The following TRPM1 variants were observed in gnomAD, a reference collection of about 807,000 sequenced individuals.
TRPM1 encodes the protein TRPM1-203 APA Isoform, Intron 10.
In TRPM1, 113 loss-of-function variants were observed where a neutral mutation model predicts 149.4. The ratio of observed to expected loss-of-function variants is 0.76; its 90% CI spans 0.65 to 0.88. The LOEUF (loss-of-function observed/expected upper bound fraction) is 0.88. TRPM1 is among the 40% of genes least tolerant of loss of function. The pLI is 0.00. For synonymous variants in TRPM1, 741 were observed against 759.5 expected, an observed-to-expected ratio of 0.98 and a Z score of 0.40; for missense variants, 1,976 against 2,038.7, an observed-to-expected ratio of 0.97 and a Z score of 0.59.
In TRPM1 at chr15:31,013,143, GT is replaced by G. The variant is rs1339058266; in HGVS notation, c.3630-10074del. Among the ~76,000 whole-genome samples, 5 of 151,772 alleles carry G rather than the reference GT, an allele frequency of 3.3e-5. No individual in the cohort carries two copies. The East Asian group carries it at 9.7e-4, about 29-fold the overall frequency. On this transcript the variant is annotated intron_variant, in intron 27 of 27. Transcript: ENST00000256552. ...CTACCGGCACCACCATGCTCTGCCA[GT>G]TGCCATGATATGCACCACCATGCCT...
chr15:31,159,632 G>A (rs2036421010), intron 1 of TRPM1, among the ~76,000 whole-genome samples: 2 of 152,106 alleles, frequency 1.3e-5, no homozygotes, highest in Non-Finnish European at 1.5e-5. Context: ...GAATGGAGGC[G>A]AGCTTTAACT....
chr15:31,044,017 GA>G (rs1217451401), intron 16 of TRPM1, among the ~76,000 whole-genome samples: 3 of 151,634 alleles, frequency 2.0e-5, no homozygotes, highest in Non-Finnish European at 1.5e-5. Flanking sequence ...CAATGAATTT[GA>G]AAAAAAATTA....
chr15:31,032,002 C>CG (rs1409820230), intron 22 of TRPM1, among the ~76,000 whole-genome samples: 4 of 120,178 alleles, frequency 3.3e-5, no homozygotes, highest in South Asian at 5.7e-4. Context: ...ATAAATCAGG[C>CG]GGGGTTTTTT....
intron 4 of TRPM1, chr15:31,069,586 G>A: frequency 8.0e-7 from 1 of 1,246,392 alleles, no homozygotes; most frequent in Non-Finnish European, 1.0e-6. Flanking sequence ...ATGCAAATGT[G>A]AGGGACCTTG....
chr15:31,151,394 C>T (rs531896972), intron 1 of TRPM1, among the ~76,000 whole-genome samples: 2 of 152,292 alleles, frequency 1.3e-5, no homozygotes, highest in African/African-American at 4.8e-5. Flanking sequence ...CAGAGTCCTC[C>T]CTGGAGTTCA....
chr15:31,115,781 C>T (rs1210796280), intron 1 of TRPM1, among the ~76,000 whole-genome samples: 1 of 151,624 alleles, frequency 6.6e-6, no homozygotes, highest in African/African-American at 2.4e-5. Context: ...CTGTCTTAGT[C>T]CATTCAAGCG....
At chr15:31,113,079 T>G (rs1007301106) in intron 1 of TRPM1, among the ~76,000 whole-genome samples, 1 of 152,194 alleles carries the variant, frequency 6.6e-6, no homozygotes, top group East Asian at 1.9e-4. Flanking sequence ...TTCCTGACAG[T>G]AGAACCCCTG....
chr15:31,058,146 A>G (rs1384360790), intron 11 of TRPM1, among the ~76,000 whole-genome samples: 1 of 151,658 alleles, frequency 6.6e-6, no homozygotes, highest in Non-Finnish European at 1.5e-5. Context: ...CTTTACATCT[A>G]TTTGTTTGGA....
At chr15:31,112,657 G>C (rs1037522120) in intron 1 of TRPM1, among the ~76,000 whole-genome samples, 3 of 152,090 alleles carry the variant, frequency 2.0e-5, no homozygotes, top group Non-Finnish European at 2.9e-5. Context: ...CTGATTCAGA[G>C]ATAGCTCTTA....
At chr15:31,045,640 A>G (rs1342197183) in intron 16 of TRPM1, among the ~76,000 whole-genome samples, 1 of 152,234 alleles carries the variant, frequency 6.6e-6, no homozygotes, top group African/African-American at 2.4e-5. Flanking sequence ...TGCACTGCTC[A>G]TCATACGTTT....
intron 5 of TRPM1, among the ~76,000 whole-genome samples, chr15:31,067,421 A>G (rs1388662993): frequency 6.6e-6 from 1 of 152,244 alleles, no homozygotes; most frequent in Non-Finnish European, 1.5e-5. Flanking sequence ...GCAACTGTGT[A>G]GGGATTTCCT....
At chr15:31,072,018 T>TATATATAGAGAG (rs1400392427) in intron 3 of TRPM1, among the ~76,000 whole-genome samples, 13 of 36,904 alleles carry the variant, frequency 3.5e-4, no homozygotes, top group African/African-American at 1.4e-3. Context: ...TATATATATA[T>TATATATAGAGAG]AGAGAGAGAG....
At chr15:31,089,120 A>G (rs1031749696) in intron 1 of TRPM1, among the ~76,000 whole-genome samples, 2 of 152,220 alleles carry the variant, frequency 1.3e-5, no homozygotes, top group African/African-American at 4.8e-5. Context: ...TTCGTGATGA[A>G]TACAGTGTGG....
chr15:31,079,586 G>A (rs530582012), intron 2 of TRPM1, among the ~76,000 whole-genome samples: 10 of 152,336 alleles, frequency 6.6e-5, no homozygotes, highest in African/African-American at 2.4e-4. Context: ...ACAGCCCATG[G>A]CTTTTGCCGT....
exon 1 of TRPM1, chr15:31,161,098 C>A: frequency 1.2e-6 from 1 of 847,832 alleles, no homozygotes; most frequent in Non-Finnish European, 1.9e-6. Flanking sequence ...CAGCCCCACG[C>A]ACTGGGCGAG....
At chr15:31,035,508 G>C in intron 21 of TRPM1, 38 bp downstream of exon 21, 2 of 1,613,796 alleles carry the variant, frequency 1.2e-6, no homozygotes, top group Non-Finnish European at 1.7e-6. Flanking sequence ...TTTGCAGTCA[G>C]CGGTTAGTGG....
At chr15:31,039,815 A>G (rs764205299) in intron 18 of TRPM1, among the ~76,000 whole-genome samples, 1 of 152,160 alleles carries the variant, frequency 6.6e-6, no homozygotes, top group Non-Finnish European at 1.5e-5. Context: ...GGGGGGCTCC[A>G]TTAGGAGACT....
At chr15:31,103,126 C>T (rs2035548238), upstream of TRPM1, among the ~76,000 whole-genome samples, 2 of 152,164 alleles carry the variant, frequency 1.3e-5, no homozygotes, top group Admixed American at 6.5e-5. Context: ...GTGGTCAGCA[C>T]CAATGGCCAG....
chr15:31,108,685 C>G (rs62038946), intron 1 of TRPM1, among the ~76,000 whole-genome samples: 61,380 of 152,010 alleles, frequency 0.4, 13,049 homozygotes, highest in East Asian at 0.72. Context: ...GTGGAGACAG[C>G]GTTTCTCTGT....
Sources: gnomAD v4.1 joint callset for allele counts (sites outside exome capture counted in the v4.1 genomes callset) on GRCh38, gnomAD v4.1.1 for gene constraint, MANE v1.5 for transcripts, NCBI Gene and HGNC (gene_info 2026-07-23, HGNC 2026-07-21) for gene names.